Variants in EPB41L4B observed in about 807,000 individuals in gnomAD.
EPB41L4B encodes the protein band 4.1-like protein 4B.
A neutral mutation model predicts 112.5 loss-of-function variants in EPB41L4B; 30 were observed. The ratio of observed to expected loss-of-function variants is 0.27; its 90% CI spans 0.20 to 0.36. EPB41L4B has a LOEUF of 0.36. Among genes scored for constraint, EPB41L4B ranks in the 10% least tolerant of loss-of-function variants. The probability of loss-of-function intolerance (pLI) is 1.00; values close to 1 mark genes in which losing one functional copy is unlikely to be tolerated. For missense variants in EPB41L4B, 1,024 were observed against 1,133.3 expected, an observed-to-expected ratio of 0.90 and a Z score of 1.38; for synonymous variants, 408 against 439.7, an observed-to-expected ratio of 0.93 and a Z score of 0.90.
intron 6 of EPB41L4B, among the ~76,000 whole-genome samples, chr9:109,260,128 G>A (rs558382316): frequency 2.6e-5 from 4 of 152,152 alleles, no homozygotes; most frequent in Admixed American, 6.5e-5. Context: ...GTGCAGTGGC[G>A]TGATCACAGC....
chr9:109,215,260 C>T lies in EPB41L4B; in HGVS notation c.1634-1442G>A, dbSNP rs113366810. On this transcript the variant is annotated intron_variant, in intron 16 of 25. Coordinates refer to ENST00000374566, the MANE Select transcript of EPB41L4B (RefSeq NM_019114.5). The stretch of plus-strand genomic sequence containing the variant: ...AGGGTAAGAGCTAGAATCGAAGCCT[C>T]CACTTCAGTACTTTTCTTTTCTTTT... 2.0e-5 allele frequency among the ~76,000 whole-genome samples: 3 copies of T among 152,236 alleles called. 1 individual carries two copies. The highest frequency in any genetic ancestry group is 4.8e-5 in the African/African-American group (2 of 41,532).
intron 15 of EPB41L4B, 113 bp downstream of exon 15, chr9:109,243,505 C>A (rs1300164056): frequency 1.1e-5 from 10 of 934,974 alleles, no homozygotes; most frequent in Non-Finnish European, 1.5e-5. Context: ...GACAATGCAT[C>A]CCTTAAGGGT....
intron 12 of EPB41L4B, among the ~76,000 whole-genome samples, chr9:109,253,065 G>A (rs1834853301): frequency 6.6e-6 from 1 of 152,176 alleles, no homozygotes; most frequent in Non-Finnish European, 1.5e-5. Context: ...CAGTTAGCAT[G>A]GGCCTGATGT....
At chr9:109,253,302 C>T in intron 12 of EPB41L4B, 139 bp downstream of exon 12, 1 of 637,320 alleles carries the variant, frequency 1.6e-6, no homozygotes, top group Non-Finnish European at 2.8e-6. Context: ...AAAAGAACAC[C>T]ACTGGGATTA....
At chr9:109,303,088 A>T (rs1837038179) in intron 1 of EPB41L4B, among the ~76,000 whole-genome samples, 1 of 151,570 alleles carries the variant, frequency 6.6e-6, no homozygotes, top group Non-Finnish European at 1.5e-5. Flanking sequence ...CTCTAAAAAA[A>T]AAAAAAAGAG....
chr9:109,197,734 C>T (rs906204578), intron 20 of EPB41L4B, among the ~76,000 whole-genome samples: 2 of 150,738 alleles, frequency 1.3e-5, no homozygotes, highest in South Asian at 2.1e-4. Context: ...GCCGGAGAAT[C>T]GCTTGAACCC....
intron 13 of EPB41L4B, among the ~76,000 whole-genome samples, chr9:109,250,988 A>G (rs1834767339): frequency 6.6e-6 from 1 of 152,188 alleles, no homozygotes; most frequent in South Asian, 2.1e-4. Flanking sequence ...CTTTACAGAA[A>G]ATGTTTGCTG....
intron 1 of EPB41L4B, among the ~76,000 whole-genome samples, chr9:109,293,716 A>AC (rs1836625121): frequency 8.3e-6 from 1 of 119,926 alleles, no homozygotes; most frequent in African/African-American, 3.2e-5. Context: ...AAAAAAAAAA[A>AC]AAAACATAAA....
intron 24 of EPB41L4B, among the ~76,000 whole-genome samples, chr9:109,180,389 G>A (rs540500388): frequency 5.9e-5 from 9 of 152,332 alleles, no homozygotes; most frequent in South Asian, 2.1e-4. Context: ...ACCAAGGGAG[G>A]TGGAGCCGGA....
At chr9:109,315,911 G>A (rs1837617038) in intron 1 of EPB41L4B, among the ~76,000 whole-genome samples, 1 of 151,886 alleles carries the variant, frequency 6.6e-6, no homozygotes, top group Non-Finnish European at 1.5e-5. Context: ...CCAAGCAATG[G>A]TTAGCCTGCC....
chr9:109,245,346 G>A (rs548419690), intron 14 of EPB41L4B, among the ~76,000 whole-genome samples: 1 of 152,306 alleles, frequency 6.6e-6, no homozygotes, highest in East Asian at 1.9e-4. Context: ...CAGAGAGAGA[G>A]GTGGGAACCT....
chr9:109,287,618 C>T (rs990750385), intron 1 of EPB41L4B, among the ~76,000 whole-genome samples: 2 of 152,158 alleles, frequency 1.3e-5, no homozygotes, highest in African/African-American at 4.8e-5. Context: ...TATCTACCTG[C>T]CCCACATCCA....
At chr9:109,260,068 G>GT (rs894617450) in intron 6 of EPB41L4B, among the ~76,000 whole-genome samples, 1 of 152,070 alleles carries the variant, frequency 6.6e-6, no homozygotes, top group African/African-American at 2.4e-5. Flanking sequence ...AATCTTCAGT[G>GT]TTTTTCTTTT....
At chr9:109,273,004 C>T (rs752695810) in intron 2 of EPB41L4B, among the ~76,000 whole-genome samples, 4 of 152,084 alleles carry the variant, frequency 2.6e-5, no homozygotes, top group Non-Finnish European at 4.4e-5. Context: ...ACGGACTAGC[C>T]TAAAGTGCCT....
At chr9:109,296,818 G>A (rs1311763267) in intron 1 of EPB41L4B, among the ~76,000 whole-genome samples, 2 of 149,122 alleles carry the variant, frequency 1.3e-5, no homozygotes, top group Non-Finnish European at 3.0e-5. Context: ...GAGCCCAGGA[G>A]TTTGAGGCTG....
At chr9:109,197,794 TGG>T (rs1295621484) in intron 20 of EPB41L4B, among the ~76,000 whole-genome samples, 1 of 134,760 alleles carries the variant, frequency 7.4e-6, no homozygotes, top group Admixed American at 8.4e-5. Flanking sequence ...CACTCCAGCC[TGG>T]GCGACAGAGT....
At chr9:109,292,071 T>G (rs1490846799) in intron 1 of EPB41L4B, among the ~76,000 whole-genome samples, 1 of 152,188 alleles carries the variant, frequency 6.6e-6, no homozygotes, top group Non-Finnish European at 1.5e-5. Context: ...ACCCCACTGG[T>G]CACATTCCTA....
intron 1 of EPB41L4B, among the ~76,000 whole-genome samples, chr9:109,282,230 C>G (rs1400182195): frequency 6.6e-6 from 1 of 151,926 alleles, no homozygotes; most frequent in African/African-American, 2.4e-5. Context: ...GTGGTTGCTT[C>G]GGGCAAAGGG....
At chr9:109,209,974 A>G (rs917184255) in intron 17 of EPB41L4B, among the ~76,000 whole-genome samples, 2 of 152,220 alleles carry the variant, frequency 1.3e-5, no homozygotes, top group African/African-American at 4.8e-5. Flanking sequence ...TTCCCCTTCA[A>G]TTCTCTGAAT....
Sources: gnomAD v4.1 joint callset for allele counts (sites outside exome capture counted in the v4.1 genomes callset) on GRCh38, gnomAD v4.1.1 for gene constraint, MANE v1.5 for transcripts, NCBI Gene and HGNC (gene_info 2026-07-23, HGNC 2026-07-21) for gene names.